XPR1: variants seen among roughly 807,000 people sequenced by gnomAD.
The protein encoded by XPR1 is xenotropic and polytropic retrovirus receptor 1.
A neutral mutation model predicts 87.5 loss-of-function variants in XPR1; 28 were observed. The observed-to-expected ratio is 0.32, with a 90% CI of 0.24 to 0.44. XPR1 has a LOEUF of 0.44. Among genes scored for constraint, XPR1 ranks in the 20% least tolerant of loss-of-function variants. The pLI, the probability that XPR1 is intolerant of heterozygous loss-of-function variation, is 1.00. For synonymous variants in XPR1, 300 were observed against 306.1 expected (o/e 0.98, Z 0.21); for missense variants, 559 against 862.3 (o/e 0.65, Z 4.41).
intron 1 of XPR1, among the ~76,000 whole-genome samples, chr1:180,659,704 A>G (rs1655698259): frequency 6.6e-6 from 1 of 150,674 alleles, no homozygotes; most frequent in African/African-American, 2.4e-5. Flanking sequence ...TTTTTAGTAG[A>G]GGTGGGGTTT....
chr1:180,798,964 G>T (rs1649685952), intron 3 of XPR1, among the ~76,000 whole-genome samples: 1 of 152,174 alleles, frequency 6.6e-6, no homozygotes, highest in African/African-American at 2.4e-5. Flanking sequence ...GTAATGGGAG[G>T]TGTTCCAGAA....
intron 1 of XPR1, among the ~76,000 whole-genome samples, chr1:180,635,567 G>A (rs1654733541): frequency 6.6e-6 from 1 of 151,962 alleles, no homozygotes; most frequent in Non-Finnish European, 1.5e-5. Flanking sequence ...CCTTTGTTTT[G>A]TAATAAAATA....
intron 2 of XPR1, among the ~76,000 whole-genome samples, chr1:180,748,797 G>A (rs1244068095): frequency 6.6e-6 from 1 of 152,162 alleles, no homozygotes; most frequent in African/African-American, 2.4e-5. Flanking sequence ...TCTGTATTCA[G>A]TGATGTCATA....
rs145420294 is a variant in XPR1 at position 180,834,331 on chromosome 1, G to C, written c.1135-543G>C. ...CTGACCTCATGATCCACCCACCTTG[G>C]CCTCCCAAAGTGCTGGGATTACAGG... is the stretch of plus-strand genomic sequence containing the variant. On this transcript the variant is annotated intron_variant, in intron 9 of 14. Transcript: ENST00000367590. Among the ~76,000 whole-genome samples the C allele has an allele frequency of 4.8e-3, 734 of 152,174 alleles. 10 individuals are homozygous for C. The highest frequency in any genetic ancestry group is 0.017 in the African/African-American group (695 of 41,502).
intron 2 of XPR1, among the ~76,000 whole-genome samples, chr1:180,724,108 G>C (rs1038543174): frequency 6.6e-6 from 1 of 152,148 alleles, no homozygotes; most frequent in East Asian, 1.9e-4. Context: ...TCCTATAGGG[G>C]AGAGAATAGA....
chr1:180,762,703 C>T (rs10914092), intron 2 of XPR1, among the ~76,000 whole-genome samples: 2,165 of 152,232 alleles, frequency 0.014, 40 homozygotes, highest in African/African-American at 0.049. Flanking sequence ...CAGAACAAGT[C>T]TATAATGCTA....
At chr1:180,793,256 G>T (rs1048210498) in intron 3 of XPR1, among the ~76,000 whole-genome samples, 12 of 151,952 alleles carry the variant, frequency 7.9e-5, no homozygotes, top group Non-Finnish European at 1.0e-4. Flanking sequence ...AGTTATTCCT[G>T]TTATTCCTGT....
intron 11 of XPR1, among the ~76,000 whole-genome samples, chr1:180,854,363 A>G (rs993718977): frequency 6.6e-6 from 1 of 152,258 alleles, no homozygotes; most frequent in Non-Finnish European, 1.5e-5. Context: ...TTATAGGAGA[A>G]TTTATGAATA....
At chr1:180,657,385 T>A (rs1655569206) in intron 1 of XPR1, among the ~76,000 whole-genome samples, 1 of 152,176 alleles carries the variant, frequency 6.6e-6, no homozygotes, top group Non-Finnish European at 1.5e-5. Flanking sequence ...TCCTGGAGAC[T>A]TTCCTCAGTG....
intron 2 of XPR1, among the ~76,000 whole-genome samples, chr1:180,785,610 G>A (rs1477998685): frequency 6.6e-6 from 1 of 151,952 alleles, no homozygotes; most frequent in Non-Finnish European, 1.5e-5. Context: ...ACTATAAATA[G>A]TTGATGTTGA....
intron 11 of XPR1, among the ~76,000 whole-genome samples, chr1:180,838,006 C>A (rs764924195): frequency 2.0e-5 from 3 of 152,076 alleles, no homozygotes; most frequent in Non-Finnish European, 4.4e-5. Flanking sequence ...GCCTGAACAG[C>A]TTGGAGATTA....
At chr1:180,879,360 A>G (rs6675116) in intron 13 of XPR1, among the ~76,000 whole-genome samples, 6,234 of 152,150 alleles carry the variant, frequency 0.041, 436 homozygotes, top group African/African-American at 0.14. Flanking sequence ...TTGTTCTCTC[A>G]TTGTTCTCCA....
intron 1 of XPR1, among the ~76,000 whole-genome samples, chr1:180,640,470 T>G (rs1571666433): frequency 6.6e-6 from 1 of 152,382 alleles, no homozygotes; most frequent in Middle Eastern, 3.4e-3. Context: ...GAGCCCATGC[T>G]CTTAATTTCT....
intron 13 of XPR1, among the ~76,000 whole-genome samples, chr1:180,877,461 C>T (rs1652699450): frequency 6.6e-6 from 1 of 152,096 alleles, no homozygotes; most frequent in Admixed American, 6.5e-5. Context: ...GATATTGAGT[C>T]AACTGGATAT....
intron 2 of XPR1, among the ~76,000 whole-genome samples, chr1:180,744,818 T>A (rs564410341): frequency 6.6e-6 from 1 of 151,548 alleles, no homozygotes; most frequent in Non-Finnish European, 1.5e-5. Flanking sequence ...ACCTGGCTAG[T>A]TTTTTTGTAT....
chr1:180,648,099 A>G (rs992223958), intron 1 of XPR1, among the ~76,000 whole-genome samples: 1 of 152,158 alleles, frequency 6.6e-6, no homozygotes, highest in African/African-American at 2.4e-5. Flanking sequence ...TTTACTTTTG[A>G]TGGCAACATG....
At chr1:180,750,074 C>A (rs1647465220) in intron 2 of XPR1, among the ~76,000 whole-genome samples, 1 of 152,114 alleles carries the variant, frequency 6.6e-6, no homozygotes, top group Non-Finnish European at 1.5e-5. Flanking sequence ...TAGCACTTGT[C>A]AGTATTTCCT....
At chr1:180,785,539 A>C (rs896089135) in intron 2 of XPR1, among the ~76,000 whole-genome samples, 39 of 152,214 alleles carry the variant, frequency 2.6e-4, no homozygotes, top group African/African-American at 9.1e-4. Flanking sequence ...TAACACATGA[A>C]GTTTATGTAT....
chr1:180,770,878 C>A (rs868084210), intron 2 of XPR1, among the ~76,000 whole-genome samples: 1 of 151,998 alleles, frequency 6.6e-6, no homozygotes, highest in Non-Finnish European at 1.5e-5. Flanking sequence ...TCTCAACTCC[C>A]GCTTATTATT....
Sources: allele counts gnomAD v4.1 joint callset (sites outside exome capture counted in the v4.1 genomes callset), GRCh38; gene constraint gnomAD v4.1.1; transcripts MANE v1.5; gene names NCBI Gene and HGNC (gene_info 2026-07-23, HGNC 2026-07-21).